ADAM32: variants seen among roughly 807,000 people sequenced by gnomAD.
The protein encoded by ADAM32 is disintegrin and metalloproteinase domain-containing protein 32.
ADAM32 carries 89 observed loss-of-function variants against 114.9 expected under a neutral mutation model. The ratio of observed to expected loss-of-function variants is 0.77; its 90% CI spans 0.65 to 0.92. ADAM32 has a LOEUF of 0.92. ADAM32 is among the 40% of genes least tolerant of loss of function. The pLI, the probability that ADAM32 is intolerant of heterozygous loss-of-function variation, is 0.00. For missense variants in ADAM32, 870 were observed against 932.8 expected, an observed-to-expected ratio of 0.93 and a Z score of 0.88; for synonymous variants, 285 against 307.5, an observed-to-expected ratio of 0.93 and a Z score of 0.77.
intron 17 of ADAM32, among the ~76,000 whole-genome samples, chr8:39,253,662 A>G (rs1811447641): frequency 6.6e-6 from 1 of 151,680 alleles, no homozygotes; most frequent in South Asian, 2.1e-4. Flanking sequence ...AAACAATCCC[A>G]TTTACAACAG....
chr8:39,188,325 G>A (rs556337316), intron 11 of ADAM32, among the ~76,000 whole-genome samples: 1 of 151,820 alleles, frequency 6.6e-6, no homozygotes, highest in African/African-American at 2.4e-5. Context: ...ATATATAATT[G>A]ATATGCATAT....
chr8:39,284,837 TC>T lies in ADAM32; in HGVS notation c.*39del. The T allele has an allele frequency of 6.2e-7, 1 of 1,610,896 alleles. No homozygotes were observed. Among genetic ancestry groups the T allele is most frequent in the Non-Finnish European group, 8.5e-7 (1 of 1,177,364 alleles). Reference sequence around the variant, plus strand: ...AAGGCAACGGATAACATCGAGAGTCTCGCTAAGAAATGAAAATTCTGTCTTT... The same window carrying T: ...AAGGCAACGGATAACATCGAGAGTCTGCTAAGAAATGAAAATTCTGTCTTT... On this transcript the variant is annotated 3_prime_UTR_variant, in exon 25 of 25. Coordinates refer to ENST00000379907, the MANE Select transcript of ADAM32 (RefSeq NM_145004.7).
chr8:39,164,723 A>G (rs935960078), intron 7 of ADAM32, 41 bp from the exon 8 acceptor site: 7 of 1,433,772 alleles, frequency 4.9e-6, no homozygotes, highest in Non-Finnish European at 6.7e-6. Context: ...AATACTACAT[A>G]ATAATTTGTA....
intron 9 of ADAM32, 68 bp from the exon 10 acceptor site, chr8:39,169,848 A>G: frequency 8.2e-7 from 1 of 1,213,610 alleles, no homozygotes; most frequent in East Asian, 2.6e-5. Context: ...GACTTAAATT[A>G]TTAGCAGGAA....
At chr8:39,153,956 C>T (rs2129445677) in intron 6 of ADAM32, among the ~76,000 whole-genome samples, 1 of 151,086 alleles carries the variant, frequency 6.6e-6, no homozygotes, top group South Asian at 2.1e-4. Flanking sequence ...TCTGGATCCC[C>T]ACAGATATCA....
Position 39,165,085 on chromosome 8 carries a change from A to G in ADAM32, c.722A>G (p.Asp241Gly), listed in dbSNP as rs1172380281. The G allele has an allele frequency of 3.1e-6, 5 of 1,609,858 alleles. No homozygotes were observed. The highest frequency in any genetic ancestry group is 3.4e-6 in the Non-Finnish European group (4 of 1,178,014). Reference sequence around the variant, plus strand: ...CTGTCATCATTGGAGTTATGGTCAGATGAAAATAAGATTTCTACAGTTGGT... The same window carrying G: ...CTGTCATCATTGGAGTTATGGTCAGGTGAAAATAAGATTTCTACAGTTGGT... ...IVLSSLELWS[D>G]ENKISTVGEA... The change falls in exon 9 of 25, where the codon GAT becomes GGT. Residue 241 changes from aspartate to glycine, a missense_variant. Asp to Gly is a moderately conservative substitution (Grantham distance 94). Transcript: ENST00000379907.
intron 23 of ADAM32, among the ~76,000 whole-genome samples, chr8:39,282,796 TAC>T (rs1196853028): frequency 1.3e-5 from 2 of 152,180 alleles, no homozygotes; most frequent in African/African-American, 2.4e-5. Context: ...CTAATGGGTG[TAC>T]ATTTCAGTAG....
chr8:39,176,847 C>G (rs201086045), intron 10 of ADAM32, among the ~76,000 whole-genome samples: 1 of 151,960 alleles, frequency 6.6e-6, no homozygotes, highest in Non-Finnish European at 1.5e-5. Context: ...CTCTAAGAAC[C>G]TGCTTTATGA....
At chr8:39,170,213 C>G (rs1158592335) in intron 10 of ADAM32, among the ~76,000 whole-genome samples, 1 of 151,950 alleles carries the variant, frequency 6.6e-6, no homozygotes, top group Non-Finnish European at 1.5e-5. Context: ...ATAAAAATAT[C>G]ATAAATACGC....
At chr8:39,222,275 G>A (rs936721405) in intron 13 of ADAM32, among the ~76,000 whole-genome samples, 1 of 151,894 alleles carries the variant, frequency 6.6e-6, no homozygotes, top group African/African-American at 2.4e-5. Context: ...TTATTAACAG[G>A]TTTCTCATAA....
At chr8:39,185,529 A>T (rs1806181007) in intron 10 of ADAM32, among the ~76,000 whole-genome samples, 1 of 152,132 alleles carries the variant, frequency 6.6e-6, no homozygotes, top group Non-Finnish European at 1.5e-5. Context: ...ATATTACCAT[A>T]TTCCTGAAAC....
intron 12 of ADAM32, among the ~76,000 whole-genome samples, chr8:39,213,498 T>A (rs1335912306): frequency 6.6e-6 from 1 of 152,126 alleles, no homozygotes; most frequent in Non-Finnish European, 1.5e-5. Flanking sequence ...TTTAAAAAAT[T>A]TCTAATTTTT....
intron 10 of ADAM32, among the ~76,000 whole-genome samples, chr8:39,185,341 A>C (rs549118711): frequency 0.015 from 953 of 61,728 alleles, 15 homozygotes; most frequent in African/African-American, 0.053. Flanking sequence ...TCTCCAGTCT[A>C]CAAAAAAAAA....
intron 13 of ADAM32, 33 bp downstream of exon 13, chr8:39,221,735 A>AT (rs1373517135): frequency 6.6e-7 from 1 of 1,517,898 alleles, no homozygotes; most frequent in Non-Finnish European, 9.1e-7. Context: ...TCTTTCAAAT[A>AT]TATAACAAAT....
intron 2 of ADAM32, among the ~76,000 whole-genome samples, chr8:39,124,755 C>T (rs983061264): frequency 3.3e-5 from 5 of 152,236 alleles, no homozygotes; most frequent in African/African-American, 1.2e-4. Flanking sequence ...TGTTGATGGG[C>T]ATTTGGGTTG....
At chr8:39,274,456 G>A (rs1392765810) in intron 21 of ADAM32, 106 bp downstream of exon 21, 11 of 1,274,612 alleles carry the variant, frequency 8.6e-6, no homozygotes, top group African/African-American at 1.5e-5. Context: ...AATTGGTAAA[G>A]CAATGCACTA....
intron 10 of ADAM32, among the ~76,000 whole-genome samples, chr8:39,173,429 T>A (rs1805313636): frequency 6.6e-6 from 1 of 151,876 alleles, no homozygotes; most frequent in African/African-American, 2.4e-5. Context: ...TCAGTGCTGT[T>A]GAGTTTTTTT....
chr8:39,187,711 A>C (rs1806339310), intron 11 of ADAM32, among the ~76,000 whole-genome samples: 1 of 152,212 alleles, frequency 6.6e-6, no homozygotes, highest in Non-Finnish European at 1.5e-5. Flanking sequence ...CTAGTTGGAG[A>C]CCAAAATATA....
chr8:39,188,941 G>T (rs910422661), intron 11 of ADAM32, among the ~76,000 whole-genome samples: 3 of 152,002 alleles, frequency 2.0e-5, no homozygotes, highest in African/African-American at 7.2e-5. Flanking sequence ...CATGTAATTA[G>T]TTACATATTT....
Sources: allele counts gnomAD v4.1 joint callset (sites outside exome capture counted in the v4.1 genomes callset), GRCh38; gene constraint gnomAD v4.1.1; transcripts MANE v1.5; gene names NCBI Gene and HGNC (gene_info 2026-07-23, HGNC 2026-07-21).